The following CDH8 variants were observed in gnomAD, a reference collection of about 807,000 sequenced individuals.
The protein encoded by CDH8 is cadherin 8.
A neutral mutation model predicts 68.1 loss-of-function variants in CDH8; 17 were observed. That is an observed-to-expected ratio of 0.25 (90% CI 0.17 to 0.37). The LOEUF (loss-of-function observed/expected upper bound fraction) is 0.37. Ranked by LOEUF, CDH8 falls within the 10% of genes least tolerant of loss-of-function variation. CDH8 has a pLI of 1.00. For synonymous variants in CDH8, 372 were observed against 365.1 expected (o/e 1.02, Z -0.21); for missense variants, 763 against 999.3 (o/e 0.76, Z 3.19).
chr16:61,970,449 TGTATATGTG>T (rs1406142526), intron 2 of CDH8, among the ~76,000 whole-genome samples: 32 of 152,294 alleles, frequency 2.1e-4, no homozygotes, highest in Admixed American at 2.0e-3. Flanking sequence ...TTTTTGACAA[TGTATATGTG>T]TATCAAAATG....
At chr16:62,000,420 A>G (rs1224315206) in intron 2 of CDH8, among the ~76,000 whole-genome samples, 1 of 152,218 alleles carries the variant, frequency 6.6e-6, no homozygotes, top group East Asian at 1.9e-4. Flanking sequence ...TCCCACCAAC[A>G]GTGTAAAAGC....
At chr16:61,766,807 T>C (rs1960608502) in intron 8 of CDH8, among the ~76,000 whole-genome samples, 1 of 152,000 alleles carries the variant, frequency 6.6e-6, no homozygotes, top group Non-Finnish European at 1.5e-5. Flanking sequence ...CGTAATATTA[T>C]GTGTTAGGAA....
chr16:61,766,969 T>C (rs1179694583), intron 8 of CDH8, among the ~76,000 whole-genome samples: 1 of 151,972 alleles, frequency 6.6e-6, no homozygotes. Flanking sequence ...ACGTACGTGC[T>C]TTGGATAAAA....
chr16:61,662,608 A>G (rs878885201), intron 10 of CDH8, among the ~76,000 whole-genome samples: 1 of 151,878 alleles, frequency 6.6e-6, no homozygotes, highest in Admixed American at 6.6e-5. Context: ...TCTCTAGTGG[A>G]TAGAAAATAC....
intron 3 of CDH8, among the ~76,000 whole-genome samples, chr16:61,882,268 T>C (rs371336122): frequency 6.6e-6 from 1 of 152,336 alleles, no homozygotes. Flanking sequence ...ATATTTAAAA[T>C]AATCATACAC....
chr16:61,972,397 G>A (rs368739716), intron 2 of CDH8, among the ~76,000 whole-genome samples: 1 of 152,120 alleles, frequency 6.6e-6, no homozygotes, highest in Non-Finnish European at 1.5e-5. Context: ...TTGTAGTTAG[G>A]TGGGTTTTGA....
intron 4 of CDH8, among the ~76,000 whole-genome samples, chr16:61,851,562 A>T (rs1172446597): frequency 6.6e-6 from 1 of 152,064 alleles, no homozygotes; most frequent in Non-Finnish European, 1.5e-5. Context: ...GCTGTCCTCA[A>T]ATTAGTGCCT....
chr16:61,787,941 T>TGG (rs1555510338), intron 8 of CDH8, among the ~76,000 whole-genome samples: 5,440 of 78,524 alleles, frequency 0.069, 368 homozygotes, highest in African/African-American at 0.19. Context: ...GGGACTGTGG[T>TGG]GGGGGGGGCG....
chr16:61,770,121 C>G (rs1020156362), intron 8 of CDH8, among the ~76,000 whole-genome samples: 2 of 151,846 alleles, frequency 1.3e-5, no homozygotes, highest in Admixed American at 1.3e-4. Flanking sequence ...TCGCATGACA[C>G]ATTTCTAAAA....
chr16:61,985,350 T>G (rs1416793384), intron 2 of CDH8, among the ~76,000 whole-genome samples: 1 of 152,226 alleles, frequency 6.6e-6, no homozygotes, highest in East Asian at 1.9e-4. Flanking sequence ...AGGCTCACTA[T>G]CTACATGTCA....
chr16:61,954,000 C>T (rs78545286), intron 2 of CDH8, among the ~76,000 whole-genome samples: 5,120 of 148,956 alleles, frequency 0.034, 314 homozygotes, highest in African/African-American at 0.12. Context: ...CAGAACTAAA[C>T]ATTGAATAAC....
chr16:61,818,280 C>T (rs1962127232), intron 6 of CDH8, among the ~76,000 whole-genome samples: 2 of 152,040 alleles, frequency 1.3e-5, no homozygotes, highest in South Asian at 4.1e-4. Flanking sequence ...TAAAGCATTG[C>T]TACTCTACTG....
chr16:62,006,601 C>T (rs1378756025), intron 2 of CDH8, among the ~76,000 whole-genome samples: 1 of 152,166 alleles, frequency 6.6e-6, no homozygotes, highest in Admixed American at 6.5e-5. Context: ...TATGTATATT[C>T]TCCAACTTCC....
chr16:61,884,374 A>AT (rs60987099), intron 3 of CDH8, among the ~76,000 whole-genome samples: 2,917 of 140,556 alleles, frequency 0.021, 42 homozygotes, highest in African/African-American at 0.039. Context: ...CTTTCTTATG[A>AT]TTTTTTTTTT....
intron 10 of CDH8, among the ~76,000 whole-genome samples, chr16:61,687,099 G>A (rs1416512104): frequency 1.3e-5 from 2 of 151,802 alleles, no homozygotes; most frequent in African/African-American, 4.8e-5. Context: ...GGTTGTGATG[G>A]ATTAAATGAA....
At position 61,751,453 on chromosome 16, in the gene CDH8, C is replaced by T. The variant is rs897449887; in HGVS notation, c.1415-24238G>A. Reference sequence around the variant, plus strand: ...TTTAAAAATTTACTTAAACATGACACTCTTAAAAAAATGGCTTAAAGGAAA... The same window carrying T: ...TTTAAAAATTTACTTAAACATGACATTCTTAAAAAAATGGCTTAAAGGAAA... On this transcript the variant is annotated intron_variant, in intron 8 of 11. Coordinates refer to ENST00000577390, the MANE Select transcript of CDH8 (RefSeq NM_001796.5). Among the ~76,000 whole-genome samples the T allele has an allele frequency of 2.2e-5, 3 of 133,746 alleles. No individual in the cohort carries two copies. In the East Asian group the frequency reaches 7.4e-4, roughly 33 times the overall value. 87.7% of individuals were successfully genotyped at this position (133,746 alleles called of 152,430 possible).
chr16:61,810,277 T>A (rs1478813424), intron 7 of CDH8, among the ~76,000 whole-genome samples: 1 of 152,220 alleles, frequency 6.6e-6, no homozygotes, highest in African/African-American at 2.4e-5. Flanking sequence ...ACTTTGAGTA[T>A]CAAAAATTCC....
chr16:61,681,859 C>A (rs1964018293), intron 10 of CDH8, among the ~76,000 whole-genome samples: 1 of 151,784 alleles, frequency 6.6e-6, no homozygotes, highest in South Asian at 2.1e-4. Context: ...ATACTGTGCA[C>A]GAGTTGAATG....
intron 3 of CDH8, among the ~76,000 whole-genome samples, chr16:61,898,684 T>C (rs1412406039): frequency 1.3e-5 from 2 of 151,942 alleles, no homozygotes; most frequent in Non-Finnish European, 2.9e-5. Flanking sequence ...TTTTGGAGAG[T>C]GGTCGAAAGA....
Sources: allele counts gnomAD v4.1 joint callset (sites outside exome capture counted in the v4.1 genomes callset), GRCh38; gene constraint gnomAD v4.1.1; transcripts MANE v1.5; gene names NCBI Gene and HGNC (gene_info 2026-07-23, HGNC 2026-07-21).